NECAB2: variants seen among roughly 807,000 people sequenced by gnomAD.
NECAB2 encodes N-terminal EF-hand calcium-binding protein 2.
A neutral mutation model predicts 51.9 loss-of-function variants in NECAB2; 68 were observed. The observed-to-expected ratio is 1.31, with a 90% CI of 1.08 to 1.60. NECAB2 has a LOEUF of 1.60. Ranked by LOEUF, NECAB2 falls within the 40% of genes most tolerant of loss-of-function variation. The probability of loss-of-function intolerance (pLI) is 0.00; values close to 1 mark genes in which losing one functional copy is unlikely to be tolerated. For synonymous variants in NECAB2, 329 were observed against 203.5 expected, an observed-to-expected ratio of 1.62 and a Z score of -5.25; for missense variants, 854 against 490.3, an observed-to-expected ratio of 1.74 and a Z score of -7.00.
chr16:83,987,032 A>T (rs1038317082), intron 5 of NECAB2, among the ~76,000 whole-genome samples: 4 of 152,172 alleles, frequency 2.6e-5, no homozygotes, highest in African/African-American at 9.7e-5. Context: ...ATCTGAAATA[A>T]AAATAATAAA....
At chr16:83,992,653 A>G (rs2084641421) in intron 6 of NECAB2, among the ~76,000 whole-genome samples, 1 of 152,132 alleles carries the variant, frequency 6.6e-6, no homozygotes. Context: ...CATGATTGTG[A>G]AGGTAACTCT....
At chr16:83,989,175 G>A (rs971120940) in intron 5 of NECAB2, among the ~76,000 whole-genome samples, 3 of 152,176 alleles carry the variant, frequency 2.0e-5, no homozygotes, top group Non-Finnish European at 4.4e-5. Flanking sequence ...CCATTCGCGT[G>A]TCTGGAGTCT....
At chr16:83,980,686 C>G (rs1306267557) in intron 3 of NECAB2, among the ~76,000 whole-genome samples, 153 bp from the exon 4 acceptor site, 1 of 152,100 alleles carries the variant, frequency 6.6e-6, no homozygotes, top group East Asian at 1.9e-4. Context: ...GTGTCACCTA[C>G]CTGCTGCACC....
In NECAB2 at chr16:83,978,436, C is replaced by A. The variant is rs1364638119; in HGVS notation, c.227-8C>A. 4 of 1,611,186 alleles carry A rather than the reference C, an allele frequency of 2.5e-6. No individual in the cohort carries two copies. The highest frequency in any genetic ancestry group is 3.4e-6 in the Non-Finnish European group (4 of 1,177,742). On this transcript the variant is annotated splice_polypyrimidine_tract_variant and splice_region_variant and intron_variant, in intron 2 of 12. Transcript: ENST00000305202. ...CACCAGCTCCTTTCTCTGCTTCCTTCCTTGCAGATGATGGGAAGCTGTCCT... is the reference window on the plus strand; with the variant it reads ...CACCAGCTCCTTTCTCTGCTTCCTTACTTGCAGATGATGGGAAGCTGTCCT...
intron 11 of NECAB2, among the ~76,000 whole-genome samples, chr16:84,001,023 C>A (rs901314004): frequency 6.6e-6 from 1 of 152,122 alleles, no homozygotes; most frequent in East Asian, 1.9e-4. Flanking sequence ...GGCTTTCCTG[C>A]TTTCCCCAGG....
chr16:83,965,474 G>C, upstream of NECAB2: 1 of 1,606,432 alleles, frequency 6.2e-7, no homozygotes, highest in African/African-American at 1.3e-5. Context: ...GGCCGACGCG[G>C]TCCTCTACGC....
intron 8 of NECAB2, among the ~76,000 whole-genome samples, chr16:83,996,019 C>G (rs942016550): frequency 2.0e-5 from 3 of 152,230 alleles, no homozygotes; most frequent in Non-Finnish European, 4.4e-5. Context: ...GGGACCAGGT[C>G]CTCCTCCCCA....
chr16:84,002,380 G>A lies in NECAB2; in HGVS notation c.*34G>A, dbSNP rs1441338531. ...CAGAGGCCCGTGGAGGAGCCCACCA[G>A]CCCCTTCTTCTTGTGAAGGAAATCC... On this transcript the variant is annotated 3_prime_UTR_variant, in exon 13 of 13. Coordinates refer to ENST00000305202, the MANE Select transcript of NECAB2 (RefSeq NM_019065.3). 1.9e-6 allele frequency: 3 copies of A among 1,608,252 alleles called. No individual in the cohort carries two copies. The highest frequency in any genetic ancestry group is 2.2e-5 in the East Asian group (1 of 44,810).
intron 6 of NECAB2, among the ~76,000 whole-genome samples, chr16:83,991,330 G>C (rs192127309): frequency 7.0e-6 from 1 of 142,324 alleles, no homozygotes; most frequent in Non-Finnish European, 1.5e-5. Context: ...TCTCTCATTC[G>C]TTCTTTTTTC....
rs994226752 is a variant in NECAB2, at chr16:83,980,813, G to A, written c.336-26G>A. On this transcript the variant is annotated intron_variant, in intron 3 of 12. Transcript: ENST00000305202. ...GCTAACCCCCTCTCTGTCTCTGTCT[G>A]TCTCTGCCTCTGTCTGTCTCTGCAG... The A allele has an allele frequency of 2.9e-5, 46 of 1,564,240 alleles. No individual in the cohort carries two copies. The Admixed American group carries it at 3.1e-4, about 11-fold the overall frequency.
Position 83,968,750 on chromosome 16 carries a change from G to T in NECAB2, c.102G>T (p.Val34=). Residue 34 remains valine, a synonymous_variant, in exon 1 of 13, where the codon GTG becomes GTT. Coordinates refer to ENST00000305202, the MANE Select transcript of NECAB2 (RefSeq NM_019065.3). ...GRALGGLLRW[V]GARMGEPRES... is the part of the protein sequence containing the mutation. Reference sequence around the variant, plus strand: ...CGCTGGGCGGGCTGCTGCGCTGGGTGGGCGCCAGGATGGGCGAGCCCCGGG... The same window carrying T: ...CGCTGGGCGGGCTGCTGCGCTGGGTTGGCGCCAGGATGGGCGAGCCCCGGG... The T allele has an allele frequency of 9.3e-7, 1 of 1,075,376 alleles. No individual in the cohort carries two copies. The highest frequency in any genetic ancestry group is 6.4e-5 in the East Asian group (1 of 15,508). The allele number at this position is 1,075,376 out of a possible 1,614,324, so 66.6% of individuals were successfully genotyped here.
chr16:83,983,813 G>C (rs537032043), intron 5 of NECAB2, among the ~76,000 whole-genome samples: 9 of 152,108 alleles, frequency 5.9e-5, no homozygotes, highest in Non-Finnish European at 1.3e-4. Flanking sequence ...AATGTGTTCT[G>C]TGTATGAATC....
At chr16:83,994,105 C>G (rs1416798702) in intron 6 of NECAB2, among the ~76,000 whole-genome samples, 197 bp from the exon 7 acceptor site, 2 of 152,224 alleles carry the variant, frequency 1.3e-5, no homozygotes, top group African/African-American at 2.4e-5. Flanking sequence ...CTCTGCCCAG[C>G]TAGCTGCGTG....
At chr16:83,965,858 G>C, upstream of NECAB2, 1 of 1,612,990 alleles carries the variant, frequency 6.2e-7, no homozygotes. Context: ...CCCCATTGAC[G>C]TGGACCCCTT....
At chr16:83,998,917 C>A (rs971075879) in intron 10 of NECAB2, among the ~76,000 whole-genome samples, 8 of 152,194 alleles carry the variant, frequency 5.3e-5, no homozygotes, top group African/African-American at 1.9e-4. Context: ...GTGGCCAGGG[C>A]CAGAGTGGAG....
At chr16:83,968,995 G>T (rs1261281698) in intron 1 of NECAB2, 146 bp downstream of exon 1, 6 of 366,696 alleles carry the variant, frequency 1.6e-5, no homozygotes, top group Non-Finnish European at 4.0e-6. Context: ...GTGCCGGAGC[G>T]GGAGCCCCCA....
At chr16:83,999,548 T>C (rs1480621585) in intron 10 of NECAB2, among the ~76,000 whole-genome samples, 1 of 152,062 alleles carries the variant, frequency 6.6e-6, no homozygotes, top group African/African-American at 2.4e-5. Flanking sequence ...GCCCGGCCCC[T>C]TCCTCTAGGC....
intron 5 of NECAB2, among the ~76,000 whole-genome samples, chr16:83,981,518 C>G (rs375341237): frequency 1.3e-5 from 2 of 152,042 alleles, no homozygotes; most frequent in African/African-American, 4.8e-5. Flanking sequence ...GAACCCTGTC[C>G]CATATCAGGT....
intron 8 of NECAB2, among the ~76,000 whole-genome samples, chr16:83,996,623 C>A (rs117056821): frequency 6.6e-6 from 1 of 152,152 alleles, no homozygotes; most frequent in Non-Finnish European, 1.5e-5. Flanking sequence ...TTCAGACCCA[C>A]GCTCTGACAC....
Sources: allele counts gnomAD v4.1 joint callset (sites outside exome capture counted in the v4.1 genomes callset), GRCh38; gene constraint gnomAD v4.1.1; transcripts MANE v1.5; gene names NCBI Gene and HGNC (gene_info 2026-07-23, HGNC 2026-07-21).